Variants in RBPMS observed in about 807,000 individuals in gnomAD.
The protein encoded by RBPMS is RNA-binding protein with multiple splicing.
In RBPMS, 7 loss-of-function variants were observed where a neutral mutation model predicts 26.8. The ratio of observed to expected loss-of-function variants is 0.26; its 90% CI spans 0.15 to 0.49. The LOEUF (loss-of-function observed/expected upper bound fraction) is 0.49. Among genes scored for constraint, RBPMS ranks in the 20% least tolerant of loss-of-function variants. The pLI is 0.98. For synonymous variants in RBPMS, 96 were observed against 93.3 expected, an observed-to-expected ratio of 1.03 and a Z score of -0.17; for missense variants, 186 against 250.0, an observed-to-expected ratio of 0.74 and a Z score of 1.73.
chr8:30,516,192 C>T (rs141259550), intron 5 of RBPMS, among the ~76,000 whole-genome samples: 1,713 of 152,180 alleles, frequency 0.011, 40 homozygotes, highest in African/African-American at 0.038. Flanking sequence ...CCAGCCTGGC[C>T]AATATGGTGA....
At chr8:30,469,380 G>T (rs989708277) in intron 1 of RBPMS, among the ~76,000 whole-genome samples, 2 of 152,194 alleles carry the variant, frequency 1.3e-5, no homozygotes, top group African/African-American at 4.8e-5. Context: ...TTAAGAACAC[G>T]TGGCCAGTTT....
chr8:30,557,270 A>G (rs997577003), intron 6 of RBPMS, among the ~76,000 whole-genome samples: 1 of 152,202 alleles, frequency 6.6e-6, no homozygotes, highest in Non-Finnish European at 1.5e-5. Flanking sequence ...GCTCGTGAGG[A>G]GGCCCATGGG....
intron 1 of RBPMS, among the ~76,000 whole-genome samples, chr8:30,423,148 C>T (rs956686365): frequency 1.2e-4 from 19 of 152,326 alleles, no homozygotes; most frequent in African/African-American, 4.1e-4. Context: ...TCTGAATCGC[C>T]GTGGGCTTTG....
At chr8:30,385,816 T>G (rs1340403367) in intron 1 of RBPMS, among the ~76,000 whole-genome samples, 1 of 152,192 alleles carries the variant, frequency 6.6e-6, no homozygotes, top group Non-Finnish European at 1.5e-5. Flanking sequence ...GAGGGTATTT[T>G]CATAGGACTT....
At chr8:30,415,337 C>T (rs1809936516) in intron 1 of RBPMS, among the ~76,000 whole-genome samples, 1 of 152,230 alleles carries the variant, frequency 6.6e-6, no homozygotes, top group Non-Finnish European at 1.5e-5. Context: ...CCTTAAGCCA[C>T]TTTCCTTGTT....
chr8:30,535,986 AAAAT>A (rs906281533), intron 5 of RBPMS, among the ~76,000 whole-genome samples: 21 of 152,204 alleles, frequency 1.4e-4, no homozygotes, highest in African/African-American at 3.9e-4. Context: ...CCTTGTCTCT[AAAAT>A]AAATCAATAA....
chr8:30,456,497 A>AT (rs11394781), intron 1 of RBPMS, among the ~76,000 whole-genome samples: 100,623 of 151,634 alleles, frequency 0.66, 34,053 homozygotes, highest in Middle Eastern at 0.78. Context: ...CACTAAAAAG[A>AT]TTTTTTTTTA....
At chr8:30,538,349 G>C (rs183877826) in intron 5 of RBPMS, among the ~76,000 whole-genome samples, 1 of 152,152 alleles carries the variant, frequency 6.6e-6, no homozygotes, top group Admixed American at 6.5e-5. Flanking sequence ...CTGCCTCCCA[G>C]GTTCAAGCAG....
chr8:30,457,583 CTTTTTTT>C (rs77253053), intron 1 of RBPMS, among the ~76,000 whole-genome samples: 4 of 132,858 alleles, frequency 3.0e-5, no homozygotes, highest in African/African-American at 9.0e-5. Flanking sequence ...GATTTACATT[CTTTTTTT>C]TTTTTTTTTT....
chr8:30,449,679 C>T (rs1490889053), intron 1 of RBPMS, among the ~76,000 whole-genome samples: 1 of 152,170 alleles, frequency 6.6e-6, no homozygotes, highest in Non-Finnish European at 1.5e-5. Context: ...CCCACACCTC[C>T]TTTTTAAATG....
intron 4 of RBPMS, among the ~76,000 whole-genome samples, chr8:30,487,249 T>G (rs1818888699): frequency 6.6e-6 from 1 of 152,198 alleles, no homozygotes; most frequent in Non-Finnish European, 1.5e-5. Context: ...TCTTTTACTT[T>G]TAGTGAATGA....
intron 1 of RBPMS, among the ~76,000 whole-genome samples, chr8:30,421,217 C>G (rs2150622646): frequency 1.3e-5 from 2 of 152,002 alleles, no homozygotes; most frequent in Middle Eastern, 6.8e-3. Flanking sequence ...GCTGCAGAAC[C>G]TTCTGGTTAG....
At chr8:30,554,097 TTTG>T (rs1290299982) in intron 6 of RBPMS, among the ~76,000 whole-genome samples, 2 of 152,210 alleles carry the variant, frequency 1.3e-5, no homozygotes, top group Non-Finnish European at 2.9e-5. Flanking sequence ...TATTAACTAT[TTTG>T]TTCAAAGAGG....
At chr8:30,441,979 G>T (rs1342757342) in intron 1 of RBPMS, among the ~76,000 whole-genome samples, 2 of 151,904 alleles carry the variant, frequency 1.3e-5, no homozygotes, top group Non-Finnish European at 2.9e-5. Flanking sequence ...TAGTAGAGAC[G>T]GGGTTTCACC....
intron 5 of RBPMS, among the ~76,000 whole-genome samples, chr8:30,544,036 CAG>C (rs989016124): frequency 1.3e-5 from 2 of 152,168 alleles, no homozygotes; most frequent in African/African-American, 4.8e-5. Flanking sequence ...TGCCAATAAA[CAG>C]AAAAGTCTTC....
intron 5 of RBPMS, among the ~76,000 whole-genome samples, chr8:30,532,401 G>A (rs1034220481): frequency 1.3e-5 from 2 of 152,078 alleles, no homozygotes; most frequent in African/African-American, 4.8e-5. Flanking sequence ...CTATATTAAT[G>A]TCAGTTACTA....
chr8:30,561,986 C>CT, intron 7 of RBPMS: 1 of 985,356 alleles, frequency 1.0e-6, no homozygotes, highest in Non-Finnish European at 1.2e-6. Context: ...AATTGCCCTC[C>CT]TTTGGAAGTA....
rs1406881444 is a variant in RBPMS at position 30,477,712 on chromosome 8, G to A, written c.145-87G>A. ...AGGAGACATTTGTAGGAGGAGTTAG[G>A]TAATCAATAAAGAACTTATTTTTAC... On this transcript the variant is annotated intron_variant, in intron 2 of 8. Transcript: ENST00000397323. 1.1e-5 allele frequency: 10 copies of A among 896,010 alleles called. No homozygotes were observed. The East Asian group carries it at 1.9e-4, about 17-fold the overall frequency. 55.5% of individuals were successfully genotyped at this position (896,010 alleles called of 1,614,324 possible).
intron 4 of RBPMS, among the ~76,000 whole-genome samples, chr8:30,496,632 C>T (rs1407899415): frequency 6.6e-6 from 1 of 152,192 alleles, no homozygotes; most frequent in Non-Finnish European, 1.5e-5. Flanking sequence ...GAACCTGACC[C>T]AGTTCTCTAC....
Sources: allele counts gnomAD v4.1 joint callset (sites outside exome capture counted in the v4.1 genomes callset), GRCh38; gene constraint gnomAD v4.1.1; transcripts MANE v1.5; gene names NCBI Gene and HGNC (gene_info 2026-07-23, HGNC 2026-07-21).